Variants in GRIN2B observed in about 807,000 individuals in gnomAD.
The protein encoded by GRIN2B is glutamate receptor ionotropic, NMDA 2B.
Under a neutral mutation model 114.5 loss-of-function variants are expected in GRIN2B, and 5 were observed. The ratio of observed to expected loss-of-function variants is 0.04; its 90% CI spans 0.02 to 0.09. The LOEUF is 0.09. GRIN2B is among the 10% of genes least tolerant of loss of function. The pLI, the probability that GRIN2B is intolerant of heterozygous loss-of-function variation, is 1.00. For synonymous variants in GRIN2B, 787 were observed against 745.1 expected, an observed-to-expected ratio of 1.06 and a Z score of -0.92; for missense variants, 1,108 against 1,943.5, an observed-to-expected ratio of 0.57 and a Z score of 8.08.
At position 13,615,706 on chromosome 12, in the gene GRIN2B, T is replaced by C. The variant is rs1378760863; in HGVS notation, c.1329-42A>G. On this transcript the variant is annotated intron_variant, in intron 6 of 13. Transcript: ENST00000609686. This position sits in a 1 kb window ranked among gnomAD's most constrained non-coding sequence, Gnocchi z 5.8. The stretch of plus-strand genomic sequence containing the variant: ...ACAAAAACAAACAAACAAAAAAGTC[T>C]TTGTACAAAAAGCCAACATTTATTA... 1 of 1,579,700 alleles carries C rather than the reference T, an allele frequency of 6.3e-7. No homozygotes were observed. The highest frequency in any genetic ancestry group is 1.3e-5 in the African/African-American group (1 of 74,396).
intron 3 of GRIN2B, among the ~76,000 whole-genome samples, chr12:13,822,076 C>T (rs1052828094): frequency 8.5e-5 from 13 of 152,192 alleles, no homozygotes; most frequent in African/African-American, 3.1e-4. Context: ...TTCTATTCTG[C>T]CTTCTGAACT....
chr12:13,850,021 T>G (rs991544465), intron 3 of GRIN2B, among the ~76,000 whole-genome samples: 5 of 152,166 alleles, frequency 3.3e-5, no homozygotes, highest in Non-Finnish European at 5.9e-5. Context: ...GGACAATAGA[T>G]GCTGAAGGAC....
intron 5 of GRIN2B, among the ~76,000 whole-genome samples, chr12:13,638,411 A>G (rs1309602676): frequency 6.6e-6 from 1 of 152,144 alleles, no homozygotes; most frequent in Admixed American, 6.6e-5. Flanking sequence ...GCATAAGTAC[A>G]TACTGAATGA....
rs1453260967 is a variant in GRIN2B, at chr12:13,616,462, C to T, written c.1321G>A (p.Val441Ile). The change falls in exon 6 of 14, where the codon GTC (valine) becomes ATC (isoleucine). Residue 441 changes from valine to isoleucine, a missense_variant. This residue lies in a region of GRIN2B where 26 missense variants were observed against 23.5 expected (regional missense o/e 1.11). Coordinates refer to ENST00000609686, the MANE Select transcript of GRIN2B (RefSeq NM_000834.5). Reference sequence around the variant, plus strand: ...ATTGAGAGGATGCCATACTCAGTGACTATGCGTTTTTGGCAGGGGACTGTG... The same window carrying T: ...ATTGAGAGGATGCCATACTCAGTGATTATGCGTTTTTGGCAGGGGACTGTG... Reference protein sequence around the residue: ...RNTVPCQKRIVTENKTDEEPG... With the variant: ...RNTVPCQKRIITENKTDEEPG... 1.9e-6 allele frequency: 3 copies of T among 1,610,194 alleles called. No individual in the cohort carries two copies. Among genetic ancestry groups the T allele is most frequent in the Admixed American group, 1.7e-5 (1 of 60,004 alleles).
chr12:13,841,619 C>G (rs1261801286), intron 3 of GRIN2B, among the ~76,000 whole-genome samples: 1 of 152,194 alleles, frequency 6.6e-6, no homozygotes, highest in East Asian at 1.9e-4. Flanking sequence ...TCTCGATCCA[C>G]AGCTCTTAGA....
chr12:13,915,114 T>G (rs1866691474), intron 2 of GRIN2B, among the ~76,000 whole-genome samples: 1 of 152,186 alleles, frequency 6.6e-6, no homozygotes, highest in Non-Finnish European at 1.5e-5. Context: ...TCCCACTTAC[T>G]CGGATTTTAT....
chr12:13,927,983 G>GT (rs1212381862), intron 2 of GRIN2B, among the ~76,000 whole-genome samples: 2 of 22,742 alleles, frequency 8.8e-5, no homozygotes, highest in Admixed American at 9.1e-4. Context: ...AAAAAAAAAA[G>GT]GGGGGGTATG....
chr12:13,921,872 A>C (rs1866830233), intron 2 of GRIN2B, among the ~76,000 whole-genome samples: 1 of 152,160 alleles, frequency 6.6e-6, no homozygotes, highest in Non-Finnish European at 1.5e-5. Context: ...GAATCAGTGG[A>C]TAGATGGATA....
intron 2 of GRIN2B, among the ~76,000 whole-genome samples, chr12:13,930,215 TA>T (rs1867002157): frequency 6.6e-6 from 1 of 152,092 alleles, no homozygotes; most frequent in South Asian, 2.1e-4. Context: ...AAATAAATAA[TA>T]CAAGTTATTA....
At chr12:13,916,412 G>T (rs571883629) in intron 2 of GRIN2B, among the ~76,000 whole-genome samples, 55 of 152,152 alleles carry the variant, frequency 3.6e-4, no homozygotes, top group African/African-American at 1.3e-3. Flanking sequence ...AGTCTTGTGT[G>T]GTTTCATGAT....
chr12:13,726,839 A>T (rs1386616334), intron 4 of GRIN2B, among the ~76,000 whole-genome samples: 1 of 152,088 alleles, frequency 6.6e-6, no homozygotes, highest in East Asian at 1.9e-4. Flanking sequence ...CCGCAAGTCC[A>T]CAAAAGTCCA....
At chr12:13,618,269 G>A (rs376894443) in intron 5 of GRIN2B, among the ~76,000 whole-genome samples, 27 of 152,108 alleles carry the variant, frequency 1.8e-4, no homozygotes, top group African/African-American at 5.1e-4. Flanking sequence ...AGTCCTGGGG[G>A]TCCAGGACAT....
intron 5 of GRIN2B, among the ~76,000 whole-genome samples, chr12:13,625,841 A>C (rs1241621133): frequency 6.6e-6 from 1 of 152,208 alleles, no homozygotes; most frequent in African/African-American, 2.4e-5. Flanking sequence ...AAAGAGTCCC[A>C]TTGAGCGAGG....
chr12:13,967,481 T>C (rs1867807873), intron 2 of GRIN2B, among the ~76,000 whole-genome samples: 1 of 152,200 alleles, frequency 6.6e-6, no homozygotes, highest in Non-Finnish European at 1.5e-5. Context: ...ATCTGTGAAA[T>C]GCAGATAAAT....
At chr12:13,780,525 C>T (rs1864089377) in intron 3 of GRIN2B, among the ~76,000 whole-genome samples, 1 of 152,132 alleles carries the variant, frequency 6.6e-6, no homozygotes. Context: ...CCTTTAAAAA[C>T]AGTCTTGTAG....
chr12:13,861,396 G>A (rs1865748869), intron 3 of GRIN2B, among the ~76,000 whole-genome samples: 1 of 152,098 alleles, frequency 6.6e-6, no homozygotes, highest in Admixed American at 6.5e-5. Context: ...AGAAATAAAT[G>A]GAAATACATC....
intron 3 of GRIN2B, among the ~76,000 whole-genome samples, chr12:13,782,999 T>C (rs940079545): frequency 3.4e-4 from 52 of 152,346 alleles, no homozygotes; most frequent in African/African-American, 1.2e-3. Flanking sequence ...TTAAAGTCAC[T>C]GTCCTTCCCC....
chr12:13,855,716 A>G (rs1399220593), intron 3 of GRIN2B, among the ~76,000 whole-genome samples: 1 of 152,348 alleles, frequency 6.6e-6, no homozygotes, highest in South Asian at 2.1e-4. Context: ...CACCCAAATA[A>G]TTCAAGATGA....
At chr12:13,692,927 C>T (rs1027721171) in intron 4 of GRIN2B, among the ~76,000 whole-genome samples, 1 of 151,498 alleles carries the variant, frequency 6.6e-6, no homozygotes, top group African/African-American at 2.4e-5. Flanking sequence ...TGCCACCACA[C>T]CCGGCTAATT....
Sources: gnomAD v4.1 joint callset for allele counts (sites outside exome capture counted in the v4.1 genomes callset) on GRCh38, gnomAD v4.1.1 for gene constraint, gnomAD v4.1.1 regional missense constraint, Gnocchi (gnomAD v3.1) non-coding constraint, MANE v1.5 for transcripts, NCBI Gene and HGNC (gene_info 2026-07-23, HGNC 2026-07-21) for gene names.